Variants in CSMD1 observed in about 807,000 individuals in gnomAD.
The protein encoded by CSMD1 is CUB and sushi domain-containing protein 1.
CSMD1 carries 213 observed loss-of-function variants against 417.5 expected under a neutral mutation model. The ratio of observed to expected loss-of-function variants is 0.51; its 90% CI spans 0.46 to 0.57. CSMD1 has a LOEUF of 0.57. Ranked by LOEUF, CSMD1 falls within the 20% of genes least tolerant of loss-of-function variation. The pLI, the probability that CSMD1 is intolerant of heterozygous loss-of-function variation, is 0.00. For synonymous variants in CSMD1, 2,862 were observed against 1,736.8 expected (o/e 1.65, Z -16.11); for missense variants, 6,923 against 4,529.7 (o/e 1.53, Z -15.17).
chr8:3,245,161 C>G (rs1379500571), intron 26 of CSMD1, among the ~76,000 whole-genome samples: 1 of 152,150 alleles, frequency 6.6e-6, no homozygotes, highest in African/African-American at 2.4e-5. Flanking sequence ...CTATTTTGCC[C>G]TCTCTGTAAA....
intron 3 of CSMD1, among the ~76,000 whole-genome samples, chr8:4,145,335 TGATCCAA>T (rs1804046309): frequency 2.0e-5 from 3 of 151,080 alleles, no homozygotes; most frequent in Non-Finnish European, 2.9e-5. Context: ...AGGAAAAAAA[TGATCCAA>T]TATGTCAGAA....
intron 41 of CSMD1, among the ~76,000 whole-genome samples, chr8:3,124,310 T>C (rs956861804): frequency 6.6e-6 from 1 of 152,132 alleles, no homozygotes; most frequent in African/African-American, 2.4e-5. Flanking sequence ...AATTAAAGCA[T>C]AGATGATTGT....
chr8:4,415,102 T>C (rs1585039512), intron 3 of CSMD1, among the ~76,000 whole-genome samples: 2 of 152,284 alleles, frequency 1.3e-5, no homozygotes, highest in Middle Eastern at 6.8e-3. Flanking sequence ...GTAAGTTTTC[T>C]ATTGCAAGGA....
chr8:4,708,718 T>C (rs565284560), intron 1 of CSMD1, among the ~76,000 whole-genome samples: 1 of 152,158 alleles, frequency 6.6e-6, no homozygotes, highest in Non-Finnish European at 1.5e-5. Context: ...GGCGGTGGAA[T>C]TGTGACCCCC....
chr8:3,845,711 G>C lies in CSMD1; in HGVS notation c.819-91669C>G, dbSNP rs553121297. Among the ~76,000 whole-genome samples, 554 of 152,128 alleles carry C rather than the reference G, an allele frequency of 3.6e-3. 5 individuals are homozygous for C. The highest frequency in any genetic ancestry group is 5.2e-3 in the Non-Finnish European group (355 of 67,996). On this transcript the variant is annotated intron_variant, in intron 5 of 69. Coordinates refer to ENST00000635120, the MANE Select transcript of CSMD1 (RefSeq NM_033225.6). Reference sequence around the variant, plus strand: ...ACTGTAACATTTTGTATTTTATAAAGTTTTTGATTTTTCATCTTTTTTACT... The same window carrying C: ...ACTGTAACATTTTGTATTTTATAAACTTTTTGATTTTTCATCTTTTTTACT...
intron 5 of CSMD1, among the ~76,000 whole-genome samples, chr8:3,808,092 G>T (rs1449740372): frequency 2.0e-5 from 3 of 152,100 alleles, no homozygotes; most frequent in Non-Finnish European, 4.4e-5. Flanking sequence ...GATTATAGAA[G>T]ACCTGTTCAC....
intron 1 of CSMD1, among the ~76,000 whole-genome samples, chr8:4,658,659 C>T (rs542101449): frequency 1.3e-5 from 2 of 152,034 alleles, no homozygotes; most frequent in African/African-American, 2.4e-5. Flanking sequence ...TAAAGCAATG[C>T]CGTTAGAAAA....
At chr8:4,713,701 C>T (rs1443747257) in intron 1 of CSMD1, among the ~76,000 whole-genome samples, 2 of 152,208 alleles carry the variant, frequency 1.3e-5, no homozygotes, top group East Asian at 1.9e-4. Context: ...CTCGCCACTG[C>T]CTCACGGCCT....
intron 11 of CSMD1, 138 bp downstream of exon 11, chr8:3,493,485 C>T (rs1375034143): frequency 1.7e-5 from 10 of 603,790 alleles, no homozygotes; most frequent in South Asian, 1.5e-4. Flanking sequence ...AATGAGATTG[C>T]AGGCCACTAC....
At chr8:4,023,696 C>T (rs1276224960) in intron 4 of CSMD1, among the ~76,000 whole-genome samples, 1 of 150,136 alleles carries the variant, frequency 6.7e-6, no homozygotes, top group Non-Finnish European at 1.5e-5. Flanking sequence ...ACGCCATTCT[C>T]CTGCCTCAGC....
intron 2 of CSMD1, among the ~76,000 whole-genome samples, 199 bp downstream of exon 2, chr8:4,637,143 C>G (rs1196338889): frequency 1.3e-5 from 2 of 152,136 alleles, no homozygotes; most frequent in East Asian, 3.9e-4. Context: ...ACCACTAACT[C>G]TTTGTTTCCC....
intron 25 of CSMD1, among the ~76,000 whole-genome samples, chr8:3,306,785 C>G (rs995036176): frequency 6.6e-6 from 1 of 151,850 alleles, no homozygotes; most frequent in Non-Finnish European, 1.5e-5. Context: ...GCCTTATGTG[C>G]TATGGTTTTG....
At chr8:4,682,473 G>A (rs1016624483) in intron 1 of CSMD1, among the ~76,000 whole-genome samples, 19 of 151,912 alleles carry the variant, frequency 1.3e-4, no homozygotes, top group African/African-American at 4.3e-4. Flanking sequence ...ATTTCTATAT[G>A]AAAAATAGAA....
intron 4 of CSMD1, among the ~76,000 whole-genome samples, chr8:4,019,476 A>G (rs1796682457): frequency 6.6e-6 from 1 of 151,428 alleles, no homozygotes; most frequent in Non-Finnish European, 1.5e-5. Context: ...ATTAGGGCCC[A>G]CTGTTTTACT....
chr8:3,647,925 G>C (rs761665785), intron 7 of CSMD1, among the ~76,000 whole-genome samples: 3 of 152,218 alleles, frequency 2.0e-5, no homozygotes, highest in Non-Finnish European at 4.4e-5. Context: ...TGTTTGTTTT[G>C]TTTGTAAGAG....
At chr8:3,451,195 A>G (rs190268972) in intron 12 of CSMD1, among the ~76,000 whole-genome samples, 2 of 152,150 alleles carry the variant, frequency 1.3e-5, no homozygotes, top group African/African-American at 4.8e-5. Context: ...GTTTGAGTTC[A>G]TTGTAGATTC....
At chr8:3,741,507 CTTTT>C (rs1796802650) in intron 6 of CSMD1, among the ~76,000 whole-genome samples, 1 of 152,144 alleles carries the variant, frequency 6.6e-6, no homozygotes, top group Non-Finnish European at 1.5e-5. Flanking sequence ...TTCCCATTTC[CTTTT>C]GTTTTACAGT....
rs1008252334 is a variant in CSMD1, at chr8:4,401,203, G to A, written c.415+18750C>T. Among the ~76,000 whole-genome samples the A allele has an allele frequency of 2.4e-4, 37 of 152,110 alleles. 1 individual carries two copies. The highest frequency in any genetic ancestry group is 7.2e-4 in the Admixed American group (11 of 15,272). ...AAATTAAGAGAAAAACTCTTCAAAC[G>A]GTTTCTGAAATAACTTAATGAATTT... On this transcript the variant is annotated intron_variant, in intron 3 of 69. Coordinates refer to ENST00000635120, the MANE Select transcript of CSMD1 (RefSeq NM_033225.6).
intron 5 of CSMD1, among the ~76,000 whole-genome samples, chr8:3,859,373 T>C (rs538965443): frequency 6.6e-6 from 1 of 152,342 alleles, no homozygotes; most frequent in Admixed American, 6.5e-5. Context: ...GAAATACTTC[T>C]TTTTATAAAT....
Sources: gnomAD v4.1 joint callset for allele counts (sites outside exome capture counted in the v4.1 genomes callset) on GRCh38, gnomAD v4.1.1 for gene constraint, MANE v1.5 for transcripts, NCBI Gene and HGNC (gene_info 2026-07-23, HGNC 2026-07-21) for gene names.